IGSF11: variants seen among roughly 807,000 people sequenced by gnomAD.
IGSF11 encodes immunoglobulin superfamily member 11.
A neutral mutation model predicts 41.0 loss-of-function variants in IGSF11; 22 were observed. That is an observed-to-expected ratio of 0.54 (90% CI 0.38 to 0.77). The LOEUF is 0.77. Among genes scored for constraint, IGSF11 ranks in the 30% least tolerant of loss-of-function variants. IGSF11 has a pLI of 0.00. For missense variants in IGSF11, 444 were observed against 530.8 expected (o/e 0.84, Z 1.61); for synonymous variants, 219 against 201.3 (o/e 1.09, Z -0.74).
chr3:119,114,519 A>G (rs927680323), intron 1 of IGSF11, among the ~76,000 whole-genome samples: 1 of 152,204 alleles, frequency 6.6e-6, no homozygotes, highest in South Asian at 2.1e-4. Flanking sequence ...TTGATAACAC[A>G]TAACAAAAGT....
intron 1 of IGSF11, among the ~76,000 whole-genome samples, chr3:118,948,870 G>A (rs1166404632): frequency 6.6e-6 from 1 of 151,456 alleles, no homozygotes; most frequent in African/African-American, 2.4e-5. Flanking sequence ...TACTCGGGAG[G>A]CTCAGGCAGG....
chr3:118,945,298 C>A (rs116757630), intron 1 of IGSF11, among the ~76,000 whole-genome samples: 3 of 152,056 alleles, frequency 2.0e-5, no homozygotes, highest in Non-Finnish European at 4.4e-5. Context: ...AAATTGTGGT[C>A]ATACTCTTAT....
intron 1 of IGSF11, among the ~76,000 whole-genome samples, chr3:118,994,675 T>TAG (rs1936100814): frequency 6.6e-6 from 1 of 152,080 alleles, no homozygotes; most frequent in Non-Finnish European, 1.5e-5. Context: ...AAGAGGAAAA[T>TAG]AGTGGGCCTA....
intron 1 of IGSF11, among the ~76,000 whole-genome samples, chr3:119,143,238 T>A (rs2077673247): frequency 6.6e-6 from 1 of 152,186 alleles, no homozygotes; most frequent in South Asian, 2.1e-4. Context: ...ATGATTTAAA[T>A]GATGGATGTA....
At chr3:118,936,754 T>A (rs2107548149) in intron 1 of IGSF11, among the ~76,000 whole-genome samples, 2 of 152,344 alleles carry the variant, frequency 1.3e-5, no homozygotes, top group South Asian at 2.1e-4. Flanking sequence ...TTTAGACTCC[T>A]GTTTCCCAAG....
intron 1 of IGSF11, among the ~76,000 whole-genome samples, chr3:119,011,582 A>G (rs1009696860): frequency 6.6e-6 from 1 of 151,766 alleles, no homozygotes; most frequent in Non-Finnish European, 1.5e-5. Flanking sequence ...AGAAAGAGGA[A>G]CCCTGGAAAG....
intron 1 of IGSF11, among the ~76,000 whole-genome samples, chr3:119,132,599 T>C (rs1395723983): frequency 1.3e-5 from 2 of 151,988 alleles, no homozygotes; most frequent in Non-Finnish European, 2.9e-5. Context: ...TATAAAAGAC[T>C]TAGACTCCCG....
At chr3:119,013,509 C>T (rs9872674) in intron 1 of IGSF11, among the ~76,000 whole-genome samples, 60,479 of 152,056 alleles carry the variant, frequency 0.4, 14,730 homozygotes, top group African/African-American at 0.69. Flanking sequence ...CGACACTTAG[C>T]TCCTAAATAA....
At chr3:119,053,928 A>G (rs1941723639) in intron 1 of IGSF11, among the ~76,000 whole-genome samples, 2 of 152,206 alleles carry the variant, frequency 1.3e-5, no homozygotes, top group Admixed American at 1.3e-4. Flanking sequence ...AGGACCCCCT[A>G]TTCAACAAAT....
chr3:119,093,389 T>C (rs1039259628), intron 1 of IGSF11, among the ~76,000 whole-genome samples: 3 of 147,048 alleles, frequency 2.0e-5, no homozygotes, highest in African/African-American at 7.6e-5. Flanking sequence ...TTTACACACA[T>C]GGGCTTCTGA....
intron 1 of IGSF11, among the ~76,000 whole-genome samples, chr3:119,115,351 T>C (rs1236782462): frequency 6.6e-6 from 1 of 152,206 alleles, no homozygotes; most frequent in Non-Finnish European, 1.5e-5. Flanking sequence ...GGTGTACTAA[T>C]TTACAGTCCC....
chr3:119,074,400 C>G (rs1348786163), intron 1 of IGSF11, among the ~76,000 whole-genome samples: 1 of 152,044 alleles, frequency 6.6e-6, no homozygotes, highest in Non-Finnish European at 1.5e-5. Context: ...AAACAATCTG[C>G]TCCTGAATGA....
intron 1 of IGSF11, among the ~76,000 whole-genome samples, chr3:119,096,036 A>C (rs1281957932): frequency 6.6e-6 from 1 of 151,452 alleles, no homozygotes; most frequent in Non-Finnish European, 1.5e-5. Flanking sequence ...TTCCTTAAGG[A>C]TGAAAACTGT....
upstream of IGSF11, among the ~76,000 whole-genome samples, chr3:119,110,095 G>T (rs1378170094): frequency 6.6e-6 from 1 of 152,134 alleles, no homozygotes; most frequent in Non-Finnish European, 1.5e-5. Context: ...TTCTGTAGAT[G>T]TCTATTAGGT....
At chr3:118,933,616 G>A (rs1943032918) in intron 1 of IGSF11, among the ~76,000 whole-genome samples, 1 of 152,010 alleles carries the variant, frequency 6.6e-6, no homozygotes, top group Non-Finnish European at 1.5e-5. Context: ...TCGCACAGTC[G>A]CAAAGCTAGG....
At chr3:119,028,949 A>G (rs1940096272) in intron 1 of IGSF11, among the ~76,000 whole-genome samples, 1 of 152,082 alleles carries the variant, frequency 6.6e-6, no homozygotes, top group Non-Finnish European at 1.5e-5. Flanking sequence ...TGGTAACGTC[A>G]GGGGAGGCTG....
At chr3:118,970,682 T>G (rs1421083802) in intron 1 of IGSF11, among the ~76,000 whole-genome samples, 1 of 151,836 alleles carries the variant, frequency 6.6e-6, no homozygotes, top group Non-Finnish European at 1.5e-5. Flanking sequence ...TACTATTGTA[T>G]TCTCAGTAAT....
At chr3:118,914,280 G>A (rs573283479) in intron 4 of IGSF11, among the ~76,000 whole-genome samples, 36 of 152,192 alleles carry the variant, frequency 2.4e-4, no homozygotes, top group Middle Eastern at 3.4e-3. Flanking sequence ...GAACAGCTCC[G>A]GTCTACAGCT....
At chr3:119,040,833 A>G (rs569465060) in intron 1 of IGSF11, among the ~76,000 whole-genome samples, 7 of 152,324 alleles carry the variant, frequency 4.6e-5, no homozygotes, top group Non-Finnish European at 8.8e-5. Context: ...TTTGACCACA[A>G]TGGTATTAAG....
Sources: gnomAD v4.1 joint callset for allele counts (sites outside exome capture counted in the v4.1 genomes callset) on GRCh38, gnomAD v4.1.1 for gene constraint, MANE v1.5 for transcripts, NCBI Gene and HGNC (gene_info 2026-07-23, HGNC 2026-07-21) for gene names.